Variants in ITGB5 observed in about 807,000 individuals in gnomAD.
The protein encoded by ITGB5 is integrin beta-5.
In ITGB5, 38 loss-of-function variants were observed where a neutral mutation model predicts 84.8. The observed-to-expected ratio is 0.45, with a 90% CI of 0.35 to 0.59. ITGB5 has a LOEUF of 0.59. ITGB5 is among the 20% of genes least tolerant of loss of function. ITGB5 has a pLI of 0.01. For missense variants in ITGB5, 905 were observed against 1,034.5 expected (o/e 0.87, Z 1.72); for synonymous variants, 393 against 414.4 (o/e 0.95, Z 0.63).
intron 3 of ITGB5, among the ~76,000 whole-genome samples, chr3:124,855,981 GT>G (rs1270236681): frequency 6.6e-6 from 1 of 152,050 alleles, no homozygotes; most frequent in African/African-American, 2.4e-5. Flanking sequence ...TGTTGTTGTT[GT>G]TTTTGTTTTT....
chr3:124,791,907 C>T (rs923959741), intron 10 of ITGB5: 2 of 152,208 alleles, frequency 1.3e-5, no homozygotes, highest in African/African-American at 4.8e-5. Context: ...CCCATCCATT[C>T]ACAGCCCCTC....
chr3:124,797,975 T>C (rs1319337599), intron 9 of ITGB5, among the ~76,000 whole-genome samples: 1 of 151,846 alleles, frequency 6.6e-6, no homozygotes, highest in Non-Finnish European at 1.5e-5. Flanking sequence ...GCTCCTCAGA[T>C]CATTCTGAAG....
intron 4 of ITGB5, among the ~76,000 whole-genome samples, chr3:124,845,754 G>C (rs547757489): frequency 6.6e-6 from 1 of 152,256 alleles, no homozygotes; most frequent in Admixed American, 6.5e-5. Context: ...AATGAAAGTG[G>C]GGACACACCC....
At position 124,769,101 on chromosome 3, in the gene ITGB5, C is replaced by G. The variant is rs138774116; in HGVS notation, c.1929G>C (p.Glu643Asp). The change falls in exon 12 of 15, where the codon GAG becomes GAC. Residue 643 changes from glutamate to aspartate, a missense_variant. Coordinates refer to ENST00000296181, the MANE Select transcript of ITGB5 (RefSeq NM_002213.5). ...DACSTKRDCV[E>D]CLLLHSGKPD... ...GTTTCCCAGAGTGGAGCAGCAGGCA[C>G]TCGACGCAATCTCTTTGGAAAAGAG... 253 of 1,614,012 alleles carry G rather than the reference C, an allele frequency of 1.6e-4. 1 individual carries two copies. In the African/African-American group the frequency reaches 2.8e-3, roughly 18 times the overall value.
chr3:124,822,273 G>A (rs540677826), intron 5 of ITGB5, among the ~76,000 whole-genome samples: 1 of 152,242 alleles, frequency 6.6e-6, no homozygotes, highest in Non-Finnish European at 1.5e-5. Context: ...TACAGAGCAA[G>A]AAACACTGGG....
At chr3:124,873,068 C>T (rs141293192) in intron 2 of ITGB5, among the ~76,000 whole-genome samples, 9 of 152,318 alleles carry the variant, frequency 5.9e-5, no homozygotes, top group African/African-American at 2.2e-4. Flanking sequence ...CTGGCTTCCA[C>T]CAACATGCCA....
At chr3:124,780,032 C>G (rs1049920921) in intron 10 of ITGB5, among the ~76,000 whole-genome samples, 1 of 152,210 alleles carries the variant, frequency 6.6e-6, no homozygotes, top group East Asian at 1.9e-4. Context: ...CAGAGGCCCC[C>G]TTCTGCCCTG....
In ITGB5 at chr3:124,764,383, G is replaced by T; in HGVS notation, c.2304+8C>A. The stretch of plus-strand genomic sequence containing the variant: ...GTCTCCTCTGCTTCCCATTTCCCAC[G>T]TGCTTACCATTTCATAGCGGGCCCT... On this transcript the variant is annotated splice_region_variant and intron_variant, in intron 14 of 14. Coordinates refer to ENST00000296181, the MANE Select transcript of ITGB5 (RefSeq NM_002213.5). 1 of 1,598,836 alleles carries T rather than the reference G, an allele frequency of 6.3e-7. No homozygotes were observed. Among genetic ancestry groups the T allele is most frequent in the South Asian group, 1.1e-5 (1 of 90,554 alleles).
At chr3:124,890,003 C>G (rs1320682999), upstream of ITGB5, among the ~76,000 whole-genome samples, 1 of 151,262 alleles carries the variant, frequency 6.6e-6, no homozygotes, top group African/African-American at 2.5e-5. Flanking sequence ...GGCGACAAAG[C>G]GAGACTCTGT....
At chr3:124,798,071 T>TTTTTTTTTTTTTG (rs2064259522) in intron 9 of ITGB5, among the ~76,000 whole-genome samples, 2 of 149,082 alleles carry the variant, frequency 1.3e-5, no homozygotes, top group South Asian at 2.2e-4. Context: ...TTTTTTTTTT[T>TTTTTTTTTTTTTG]GAGGTGGAGT....
In ITGB5 at chr3:124,762,400, G is replaced by A. The variant is rs1045794538; in HGVS notation, c.*1223C>T. On this transcript the variant is annotated 3_prime_UTR_variant, in exon 15 of 15. Transcript: ENST00000296181. ...TTCAGTAACCTCCTAACAAACACTC[G>A]GGCAAGCCACTTCCCCTCTCTGAGA... 1.3e-5 allele frequency: 2 copies of A among 152,146 alleles called. No homozygotes were observed. Among genetic ancestry groups the A allele is most frequent in the African/African-American group, 4.8e-5 (2 of 41,434 alleles). The allele number at this position is 152,146 out of a possible 1,614,324, so 9.4% of individuals were successfully genotyped here. A position where few individuals can be genotyped will look rare whatever the true frequency, so the allele number is the denominator to read the frequency against.
intron 6 of ITGB5, among the ~76,000 whole-genome samples, chr3:124,820,971 G>A (rs2064692686): frequency 6.6e-6 from 1 of 152,024 alleles, no homozygotes; most frequent in Non-Finnish European, 1.5e-5. Context: ...ACTTCTGCAG[G>A]GGCACAGCAC....
At chr3:124,860,367 T>C (rs1006696142) in intron 2 of ITGB5, among the ~76,000 whole-genome samples, 3 of 152,192 alleles carry the variant, frequency 2.0e-5, no homozygotes, top group South Asian at 2.1e-4. Context: ...ATTGTATTTA[T>C]TAGGATTTGA....
rs61757101 is a variant in ITGB5 at position 124,848,500 on chromosome 3, C to T, written c.420G>A (p.Leu140=). ...VRQVEDYPVD[L]YYLMDLSLSM... ...ACAGGGAGAGGTCCATCAGGTAGTA[C>T]AGGTCCACAGGATAGTCCTCCACCT... The change falls in exon 4 of 15, where the codon CTG becomes CTA. Residue 140 remains leucine, a synonymous_variant. Coordinates refer to ENST00000296181, the MANE Select transcript of ITGB5 (RefSeq NM_002213.5). 15,040 of 1,614,128 alleles carry T rather than the reference C, an allele frequency of 9.3e-3. 89 individuals are homozygous for T. Among genetic ancestry groups the T allele is most frequent in the Non-Finnish European group, 0.011 (13,509 of 1,180,040 alleles).
intron 9 of ITGB5, among the ~76,000 whole-genome samples, chr3:124,808,556 G>C (rs774705789): frequency 1.6e-4 from 24 of 152,196 alleles, no homozygotes; most frequent in Non-Finnish European, 3.2e-4. Flanking sequence ...CACTGCTGTA[G>C]AGTCATCCAT....
intron 1 of ITGB5, among the ~76,000 whole-genome samples, chr3:124,876,568 C>T (rs1178195753): frequency 1.3e-5 from 2 of 152,088 alleles, no homozygotes; most frequent in Non-Finnish European, 2.9e-5. Flanking sequence ...GGAAGAAATA[C>T]CAATTGGCAT....
At chr3:124,775,592 A>G (rs187988473) in intron 10 of ITGB5, among the ~76,000 whole-genome samples, 4 of 152,218 alleles carry the variant, frequency 2.6e-5, no homozygotes, top group African/African-American at 9.6e-5. Flanking sequence ...TTTTTCCCTA[A>G]TGCCATTATG....
intron 1 of ITGB5, among the ~76,000 whole-genome samples, chr3:124,885,713 T>C (rs1559988417): frequency 6.6e-6 from 1 of 152,242 alleles, no homozygotes; most frequent in African/African-American, 2.4e-5. Context: ...GGATGGGTGT[T>C]TGGAATCCAC....
intron 8 of ITGB5, among the ~76,000 whole-genome samples, chr3:124,816,195 A>G (rs568109574): frequency 2.0e-5 from 3 of 152,350 alleles, no homozygotes; most frequent in African/African-American, 7.2e-5. Context: ...CTGAGGCTCC[A>G]GGGAACTAAG....
Sources: allele counts gnomAD v4.1 joint callset (sites outside exome capture counted in the v4.1 genomes callset), GRCh38; gene constraint gnomAD v4.1.1; transcripts MANE v1.5; gene names NCBI Gene and HGNC (gene_info 2026-07-23, HGNC 2026-07-21).